Variants in VAT1L observed in about 807,000 individuals in gnomAD.
VAT1L encodes putative NADPH-dependent quinone oxidoreductase VAT1L.
Under a neutral mutation model 44.1 loss-of-function variants are expected in VAT1L, and 34 were observed. That is an observed-to-expected ratio of 0.77 (90% CI 0.59 to 1.03). The LOEUF is 1.03. VAT1L is among the 50% of genes least tolerant of loss of function. VAT1L has a pLI of 0.00. For synonymous variants in VAT1L, 253 were observed against 202.2 expected (o/e 1.25, Z -2.13); for missense variants, 615 against 538.8 (o/e 1.14, Z -1.40).
At chr16:77,837,351 T>C (rs1466938532) in intron 3 of VAT1L, among the ~76,000 whole-genome samples, 1 of 152,194 alleles carries the variant, frequency 6.6e-6, no homozygotes, top group Non-Finnish European at 1.5e-5. Flanking sequence ...CAGGCTCCCA[T>C]GTTCATAAAT....
intron 8 of VAT1L, 50 bp downstream of exon 8, chr16:77,971,983 C>A (rs762057134): frequency 1.3e-6 from 2 of 1,557,836 alleles, no homozygotes; most frequent in Admixed American, 1.8e-5. Flanking sequence ...GAGAGCACCA[C>A]GGGTCAATCA....
chr16:77,925,495 G>A (rs2017656232), intron 7 of VAT1L, among the ~76,000 whole-genome samples: 1 of 152,238 alleles, frequency 6.6e-6, no homozygotes, highest in South Asian at 2.1e-4. Context: ...ATATGCAATG[G>A]CGCTTCAATC....
At chr16:77,964,609 G>C (rs949411237) in intron 7 of VAT1L, among the ~76,000 whole-genome samples, 2 of 152,014 alleles carry the variant, frequency 1.3e-5, no homozygotes, top group Non-Finnish European at 1.5e-5. Context: ...CCTTTGCCAT[G>C]TCAGGTAACA....
intron 1 of VAT1L, among the ~76,000 whole-genome samples, chr16:77,811,400 G>A (rs900797495): frequency 6.6e-6 from 1 of 152,222 alleles, no homozygotes; most frequent in East Asian, 1.9e-4. Context: ...GTCTTCATTT[G>A]ATATTGTTAG....
intron 5 of VAT1L, 81 bp downstream of exon 5, chr16:77,876,554 T>G: frequency 7.9e-7 from 1 of 1,259,926 alleles, no homozygotes; most frequent in Non-Finnish European, 1.2e-6. Flanking sequence ...GAAAAGTGAA[T>G]TGTGCTGATA....
At chr16:77,897,415 G>A (rs1264775517) in intron 7 of VAT1L, among the ~76,000 whole-genome samples, 1 of 152,206 alleles carries the variant, frequency 6.6e-6, no homozygotes, top group African/African-American at 2.4e-5. Flanking sequence ...ATTATAATGT[G>A]CAGAAGCAGG....
intron 3 of VAT1L, among the ~76,000 whole-genome samples, chr16:77,839,541 A>C (rs2016680876): frequency 1.5e-5 from 1 of 68,850 alleles, no homozygotes; most frequent in Non-Finnish European, 3.8e-5. Context: ...ATATCAAAAA[A>C]AAAAAAAAAA....
intron 7 of VAT1L, among the ~76,000 whole-genome samples, chr16:77,896,130 C>T (rs2017322006): frequency 6.6e-6 from 1 of 151,800 alleles, no homozygotes; most frequent in Admixed American, 6.5e-5. Flanking sequence ...TATACCCATC[C>T]CTCTGGCCTT....
At chr16:77,939,496 G>A (rs1429028864) in intron 7 of VAT1L, among the ~76,000 whole-genome samples, 1 of 152,132 alleles carries the variant, frequency 6.6e-6, no homozygotes, top group African/African-American at 2.4e-5. Flanking sequence ...GTTACATATT[G>A]ACCATCACAT....
At chr16:77,942,129 G>A (rs1196903569) in intron 7 of VAT1L, among the ~76,000 whole-genome samples, 1 of 152,136 alleles carries the variant, frequency 6.6e-6, no homozygotes, top group Non-Finnish European at 1.5e-5. Context: ...AATTTACAAA[G>A]AAAAAAGAAG....
intron 3 of VAT1L, among the ~76,000 whole-genome samples, chr16:77,837,268 A>G (rs994560800): frequency 2.8e-4 from 43 of 152,266 alleles, no homozygotes; most frequent in Admixed American, 5.2e-4. Context: ...GACACAGCTG[A>G]TTTCTCAAGG....
At chr16:77,849,837 C>A (rs1016526685) in intron 3 of VAT1L, among the ~76,000 whole-genome samples, 1 of 152,196 alleles carries the variant, frequency 6.6e-6, no homozygotes, top group Non-Finnish European at 1.5e-5. Context: ...CAGAACAGAA[C>A]CTCAGCCGCA....
intron 7 of VAT1L, among the ~76,000 whole-genome samples, chr16:77,896,284 C>T (rs1275103767): frequency 6.6e-6 from 1 of 152,128 alleles, no homozygotes; most frequent in Admixed American, 6.5e-5. Context: ...GCCCTGGTGT[C>T]GACTCTTCCG....
intron 7 of VAT1L, among the ~76,000 whole-genome samples, chr16:77,931,921 G>C (rs986653752): frequency 1.3e-5 from 2 of 152,108 alleles, no homozygotes; most frequent in Admixed American, 6.5e-5. Flanking sequence ...TGAAAACATT[G>C]TATCTTTACT....
chr16:77,971,500 C>A (rs1397312092), intron 7 of VAT1L, among the ~76,000 whole-genome samples: 1 of 152,154 alleles, frequency 6.6e-6, no homozygotes, highest in African/African-American at 2.4e-5. Context: ...GAAAATATCT[C>A]TATTGGTCAA....
chr16:77,869,414 C>G (rs1470187677), intron 4 of VAT1L, among the ~76,000 whole-genome samples: 1 of 152,192 alleles, frequency 6.6e-6, no homozygotes, highest in Non-Finnish European at 1.5e-5. Context: ...GTAGTTCACA[C>G]CTATAATCCC....
chr16:77,852,488 G>A (rs2016817743), intron 3 of VAT1L, among the ~76,000 whole-genome samples: 1 of 152,302 alleles, frequency 6.6e-6, no homozygotes, highest in Non-Finnish European at 1.5e-5. Context: ...GTCCCCACAG[G>A]CTTAGCAATA....
chr16:77,847,767 T>C (rs1266796738), intron 3 of VAT1L, among the ~76,000 whole-genome samples: 1 of 152,216 alleles, frequency 6.6e-6, no homozygotes, highest in African/African-American at 2.4e-5. Context: ...GACTGTGAGA[T>C]GTTGTTGTGC....
chr16:77,888,641 G>T (rs756637558), intron 7 of VAT1L, among the ~76,000 whole-genome samples: 1 of 152,192 alleles, frequency 6.6e-6, no homozygotes, highest in Non-Finnish European at 1.5e-5. Flanking sequence ...GGTAGGGAGG[G>T]ACTGCCCTGC....
Sources: gnomAD v4.1 joint callset for allele counts (sites outside exome capture counted in the v4.1 genomes callset) on GRCh38, gnomAD v4.1.1 for gene constraint, MANE v1.5 for transcripts, NCBI Gene and HGNC (gene_info 2026-07-23, HGNC 2026-07-21) for gene names.